Variants in KCTD16 observed in about 807,000 individuals in gnomAD.
KCTD16 encodes BTB/POZ domain-containing protein KCTD16.
KCTD16 carries 13 observed loss-of-function variants against 33.2 expected under a neutral mutation model. That is an observed-to-expected ratio of 0.39 (90% CI 0.25 to 0.62). The LOEUF (loss-of-function observed/expected upper bound fraction) is 0.62, where lower values mean the gene tolerates loss of function less well. Among genes scored for constraint, KCTD16 ranks in the 20% least tolerant of loss-of-function variants. KCTD16 has a pLI of 0.50. For missense variants in KCTD16, 441 were observed against 525.1 expected, an observed-to-expected ratio of 0.84 and a Z score of 1.57; for synonymous variants, 197 against 195.3, an observed-to-expected ratio of 1.01 and a Z score of -0.07.
At position 144,473,782 on chromosome 5, in the gene KCTD16, T is replaced by A. The variant is rs780997593; in HGVS notation, c.955T>A (p.Ser319Thr). ...DLSTSSCDSQ[S>T]EASSPQETVI... is the part of the protein sequence containing the mutation. ...CTCCACATCTAGCTGCGACAGCCAG[T>A]CTGAGGCCAGCTCTCCCCAGGAGAC... is the stretch of plus-strand genomic sequence containing the variant. Residue 319 changes from serine to threonine, a missense_variant, in exon 4 of 4, where the codon TCT becomes ACT. Physicochemically the swap from Ser to Thr is moderately conservative, Grantham distance 58 (BLOSUM62 1). Coordinates refer to ENST00000512467, the MANE Select transcript of KCTD16 (RefSeq NM_020768.4). The A allele has an allele frequency of 6.2e-7, 1 of 1,614,028 alleles. No homozygotes were observed. Among genetic ancestry groups the A allele is most frequent in the South Asian group, 1.1e-5 (1 of 91,064 alleles).
At chr5:144,187,466 A>G (rs1752752606) in intron 2 of KCTD16, among the ~76,000 whole-genome samples, 1 of 151,052 alleles carries the variant, frequency 6.6e-6, no homozygotes, top group Admixed American at 6.6e-5. Flanking sequence ...ACACATACAC[A>G]CAGGGGGCAA....
At chr5:144,317,451 T>C (rs1751950646) in intron 3 of KCTD16, among the ~76,000 whole-genome samples, 1 of 152,218 alleles carries the variant, frequency 6.6e-6, no homozygotes, top group Admixed American at 6.5e-5. Context: ...TCTCTGGGAA[T>C]GGTTCCTGGA....
At chr5:144,386,647 C>T (rs1752329969) in intron 3 of KCTD16, among the ~76,000 whole-genome samples, 1 of 152,114 alleles carries the variant, frequency 6.6e-6, no homozygotes. Flanking sequence ...TTTATATTCC[C>T]TGAATTTCTT....
At chr5:144,366,048 G>A (rs1751825483) in intron 3 of KCTD16, among the ~76,000 whole-genome samples, 1 of 152,058 alleles carries the variant, frequency 6.6e-6, no homozygotes, top group South Asian at 2.1e-4. Context: ...ACTTTTTAAT[G>A]TTTTATTTAT....
chr5:144,388,712 C>CT (rs1216380730), intron 3 of KCTD16, among the ~76,000 whole-genome samples: 2 of 152,162 alleles, frequency 1.3e-5, no homozygotes, highest in Non-Finnish European at 2.9e-5. Context: ...AGCCCTGTTA[C>CT]TCTTTGTCTT....
chr5:144,307,422 C>T (rs543015541), intron 3 of KCTD16, among the ~76,000 whole-genome samples: 2 of 152,342 alleles, frequency 1.3e-5, no homozygotes, highest in East Asian at 1.9e-4. Context: ...TCCATACCCC[C>T]ACCCTCAGCA....
chr5:144,413,935 CTG>C (rs1464914649), intron 3 of KCTD16, among the ~76,000 whole-genome samples: 3 of 152,160 alleles, frequency 2.0e-5, no homozygotes, highest in African/African-American at 7.2e-5. Flanking sequence ...TACTTTTTCT[CTG>C]TGGATTGCAG....
At chr5:144,260,589 A>G (rs1330885651) in intron 3 of KCTD16, among the ~76,000 whole-genome samples, 1 of 152,228 alleles carries the variant, frequency 6.6e-6, no homozygotes, top group Non-Finnish European at 1.5e-5. Context: ...AGAGCAAGTA[A>G]TAAAGTTGTT....
At chr5:144,425,213 C>T (rs771125655) in intron 3 of KCTD16, among the ~76,000 whole-genome samples, 10 of 152,108 alleles carry the variant, frequency 6.6e-5, no homozygotes, top group Non-Finnish European at 1.0e-4. Flanking sequence ...GGTAACTGAT[C>T]CCAAGTAAGT....
Position 144,299,134 on chromosome 5 carries a change from ATATATATATATATATTT to A in KCTD16, c.832+91590_832+91606del, listed in dbSNP as rs1333597249. Among the ~76,000 whole-genome samples the A allele has an allele frequency of 1.0e-3, 30 of 29,752 alleles. 1 individual carries two copies. The highest frequency in any genetic ancestry group is 2.2e-3 in the African/African-American group (6 of 2,688). The allele number at this position is 29,752 out of a possible 152,430, so 19.5% of individuals were successfully genotyped here. On this transcript the variant is annotated intron_variant, in intron 3 of 3. Transcript: ENST00000512467. ...TATATATATATATATATATATATAT[ATATATATATATATATTT>A]TTTTTTTTTTTTTTAACCTGTCACT... is the stretch of plus-strand genomic sequence containing the variant.
intron 3 of KCTD16, among the ~76,000 whole-genome samples, chr5:144,382,497 G>C (rs1752238717): frequency 6.6e-6 from 1 of 152,038 alleles, no homozygotes; most frequent in Admixed American, 6.6e-5. Context: ...CCATACTTAG[G>C]ATCCTCTTAT....
In KCTD16 at chr5:144,207,520, C is replaced by T; in HGVS notation, c.806C>T (p.Ser269Leu). Residue 269 changes from serine to leucine, a missense_variant, in exon 3 of 4, where the codon TCA becomes TTA. Coordinates refer to ENST00000512467, the MANE Select transcript of KCTD16 (RefSeq NM_020768.4). ...CAATATACAGATGACAAGATCTGGTCAAGCTACACTGAATATGTCTTCTAC... is the reference window on the plus strand; with the variant it reads ...CAATATACAGATGACAAGATCTGGTTAAGCTACACTGAATATGTCTTCTAC... ...INQYTDDKIW[S>L]SYTEYVFYRE... The T allele has an allele frequency of 6.2e-7, 1 of 1,613,410 alleles. No individual in the cohort carries two copies. The highest frequency in any genetic ancestry group is 8.5e-7 in the Non-Finnish European group (1 of 1,179,596).
chr5:144,282,586 C>T (rs1325405130), intron 3 of KCTD16, among the ~76,000 whole-genome samples: 13 of 152,084 alleles, frequency 8.5e-5, no homozygotes, highest in African/African-American at 2.9e-4. Flanking sequence ...GGAGCAGCCT[C>T]GTAGGACTGA....
At chr5:144,372,444 G>C (rs1038150119) in intron 3 of KCTD16, among the ~76,000 whole-genome samples, 1 of 152,182 alleles carries the variant, frequency 6.6e-6, no homozygotes, top group Non-Finnish European at 1.5e-5. Flanking sequence ...GTTTTCTTTA[G>C]AGGCTCATCA....
At position 144,484,360 on chromosome 5, in the gene KCTD16, C is replaced by T. The variant is rs1754761335; in HGVS notation, c.*10246C>T. On this transcript the variant is annotated 3_prime_UTR_variant, in exon 4 of 4. Transcript: ENST00000512467. ...GTCACTCCTTAGACTGGCAATGACA[C>T]CCAGCTTAGTCTGTAAAATCAGGAA... 6.6e-6 allele frequency: 1 copy of T among 151,860 alleles called. No homozygotes were observed. Among genetic ancestry groups the T allele is most frequent in the South Asian group, 2.1e-4 (1 of 4,830 alleles). The allele number at this position is 151,860 out of a possible 1,614,324, so 9.4% of individuals were successfully genotyped here. A position where few individuals can be genotyped will look rare whatever the true frequency, so the allele number is the denominator to read the frequency against.
intron 3 of KCTD16, among the ~76,000 whole-genome samples, chr5:144,213,196 T>G (rs1753450911): frequency 6.6e-6 from 1 of 151,834 alleles, no homozygotes; most frequent in Non-Finnish European, 1.5e-5. Context: ...AAATGAAATC[T>G]ACATATTATA....
chr5:144,173,019 A>G (rs1752428318), intron 1 of KCTD16, among the ~76,000 whole-genome samples: 1 of 152,234 alleles, frequency 6.6e-6, no homozygotes, highest in African/African-American at 2.4e-5. Flanking sequence ...GAATGCGTAT[A>G]CACTGTTAGT....
intron 3 of KCTD16, among the ~76,000 whole-genome samples, chr5:144,304,698 G>A (rs900488860): frequency 9.2e-5 from 14 of 152,140 alleles, no homozygotes; most frequent in African/African-American, 3.1e-4. Flanking sequence ...ATGCTAGGGC[G>A]ATCTACTGAG....
intron 3 of KCTD16, among the ~76,000 whole-genome samples, chr5:144,415,024 A>G (rs1014818451): frequency 2.0e-5 from 3 of 152,184 alleles, no homozygotes; most frequent in Non-Finnish European, 2.9e-5. Context: ...TGAGTAATTC[A>G]TAAAGAATAG....
Sources: allele counts gnomAD v4.1 joint callset (sites outside exome capture counted in the v4.1 genomes callset), GRCh38; gene constraint gnomAD v4.1.1; transcripts MANE v1.5; gene names NCBI Gene and HGNC (gene_info 2026-07-23, HGNC 2026-07-21).